Variants in RBM47 observed in about 807,000 individuals in gnomAD.
The protein encoded by RBM47 is RNA binding motif protein 47.
A neutral mutation model predicts 47.1 loss-of-function variants in RBM47; 21 were observed. That is an observed-to-expected ratio of 0.45 (90% CI 0.32 to 0.64). The LOEUF is 0.64. Ranked by LOEUF, RBM47 falls within the 30% of genes least tolerant of loss-of-function variation. The pLI is 0.05. For synonymous variants in RBM47, 375 were observed against 361.7 expected (o/e 1.04, Z -0.42); for missense variants, 708 against 870.9 (o/e 0.81, Z 2.35).
intron 2 of RBM47, among the ~76,000 whole-genome samples, chr4:40,480,136 C>T (rs929725399): frequency 1.3e-4 from 20 of 151,966 alleles, no homozygotes; most frequent in African/African-American, 4.8e-4. Flanking sequence ...CGCCACCATG[C>T]CTGACTAATT....
intron 2 of RBM47, among the ~76,000 whole-genome samples, chr4:40,485,851 G>A (rs1281513323): frequency 2.0e-5 from 3 of 151,206 alleles, no homozygotes; most frequent in Non-Finnish European, 4.4e-5. Context: ...CTTGAGTCCA[G>A]GAGTTTGAGA....
intron 3 of RBM47, among the ~76,000 whole-genome samples, chr4:40,440,122 G>C (rs1577635017): frequency 6.6e-6 from 1 of 152,158 alleles, no homozygotes; most frequent in Non-Finnish European, 1.5e-5. Context: ...GTAATGAAAG[G>C]CTCCAATTCG....
intron 1 of RBM47, among the ~76,000 whole-genome samples, chr4:40,618,040 A>G (rs1437950869): frequency 6.6e-6 from 1 of 151,858 alleles, no homozygotes; most frequent in African/African-American, 2.4e-5. Flanking sequence ...CAGGAGTTTG[A>G]GACCAGCCTG....
rs527321198 is a variant in RBM47 at position 40,429,320 on chromosome 4, C to A, written c.1543-3177G>T. The stretch of plus-strand genomic sequence containing the variant: ...TACTTAATAAGGAAAGAAAAAAAAT[C>A]CTATGCTGAGGTTGCTAAGAACTAC... On this transcript the variant is annotated intron_variant, in intron 6 of 6. Transcript: ENST00000295971. Among the ~76,000 whole-genome samples, 13 of 152,072 alleles carry A rather than the reference C, an allele frequency of 8.5e-5. No individual in the cohort carries two copies. The South Asian group carries it at 2.7e-3, about 32-fold the overall frequency.
intron 1 of RBM47, among the ~76,000 whole-genome samples, chr4:40,624,915 G>C (rs1355506929): frequency 8.3e-4 from 1 of 1,210 alleles, no homozygotes; most frequent in Admixed American, 0.018. Context: ...GCAGTGGCGC[G>C]ATCAGCTCAC....
rs1406950559 is a variant in RBM47 at position 40,451,451 on chromosome 4, A to C, written c.-31-12527T>G. On this transcript the variant is annotated intron_variant, in intron 3 of 6. Coordinates refer to ENST00000295971, the MANE Select transcript of RBM47 (RefSeq NM_001098634.2). ...TGCCGAAATCAGTCTAAAGCATCCA[A>C]CTGTCTCATTTAAATTCCGACCCCG... Among the ~76,000 whole-genome samples, 5 of 152,180 alleles carry C rather than the reference A, an allele frequency of 3.3e-5. No individual in the cohort carries two copies. In the East Asian group the frequency reaches 7.7e-4, roughly 23 times the overall value.
rs532170715 is a variant in RBM47, at chr4:40,545,048, CTTTTTTTTTTTTT to C, written c.-239-555_-239-543del. ...CCAGCCTGGAAAACAGAGTGAGATC[CTTTTTTTTTTTTT>C]TTTTTTTTCAGACGGAGTCTCGCTC... On this transcript the variant is annotated intron_variant, in intron 1 of 6. Transcript: ENST00000295971. 1.6e-3 allele frequency among the ~76,000 whole-genome samples: 187 copies of C among 114,238 alleles called. 2 individuals are homozygous for C. The Middle Eastern group carries it at 0.032, about 20-fold the overall frequency. 74.9% of individuals were successfully genotyped at this position (114,238 alleles called of 152,430 possible). A position where few individuals can be genotyped will look rare whatever the true frequency, so the allele number is the denominator to read the frequency against.
At chr4:40,589,005 T>C (rs1733869192) in intron 1 of RBM47, among the ~76,000 whole-genome samples, 1 of 144,946 alleles carries the variant, frequency 6.9e-6, no homozygotes, top group Non-Finnish European at 1.5e-5. Flanking sequence ...TTTTTTTTTT[T>C]TTTTTTTTTT....
chr4:40,480,471 T>C (rs1262548082), intron 2 of RBM47, among the ~76,000 whole-genome samples: 2 of 152,178 alleles, frequency 1.3e-5, no homozygotes, highest in Admixed American at 1.3e-4. Context: ...TACCTACCCA[T>C]GTTTCACCTT....
intron 2 of RBM47, among the ~76,000 whole-genome samples, chr4:40,498,119 C>T (rs902164251): frequency 2.9e-4 from 41 of 140,842 alleles, no homozygotes; most frequent in African/African-American, 1.0e-3. Context: ...ATGTTGAGCG[C>T]TGTTAGCAGA....
intron 1 of RBM47, among the ~76,000 whole-genome samples, chr4:40,593,745 G>A (rs912247146): frequency 6.6e-6 from 1 of 152,044 alleles, no homozygotes; most frequent in African/African-American, 2.4e-5. Context: ...TTAGCTGGGC[G>A]TGGTGGCGGG....
chr4:40,536,702 G>GGTGTGT (rs1159283404), intron 2 of RBM47, among the ~76,000 whole-genome samples: 1 of 122,886 alleles, frequency 8.1e-6, no homozygotes, highest in African/African-American at 3.9e-5. Flanking sequence ...TGCAGTTTTT[G>GGTGTGT]GTGTGTGTGT....
intron 1 of RBM47, among the ~76,000 whole-genome samples, chr4:40,608,020 TA>T (rs2154278680): frequency 6.6e-6 from 1 of 151,794 alleles, no homozygotes; most frequent in East Asian, 1.9e-4. Flanking sequence ...CAGAATTGCT[TA>T]AACCAGGGAG....
At chr4:40,594,898 C>T (rs1168197361) in intron 1 of RBM47, among the ~76,000 whole-genome samples, 1 of 152,158 alleles carries the variant, frequency 6.6e-6, no homozygotes, top group Non-Finnish European at 1.5e-5. Context: ...CCTTTAAGAG[C>T]ACCTCGAGGT....
At chr4:40,536,953 T>G (rs925812546) in intron 2 of RBM47, among the ~76,000 whole-genome samples, 3 of 151,948 alleles carry the variant, frequency 2.0e-5, no homozygotes, top group Non-Finnish European at 1.5e-5. Context: ...GGTCTCAAAC[T>G]CCTGATCTCA....
intron 1 of RBM47, among the ~76,000 whole-genome samples, chr4:40,580,019 A>G (rs1236555700): frequency 2.0e-5 from 3 of 151,922 alleles, no homozygotes; most frequent in Non-Finnish European, 4.4e-5. Context: ...TGACCTCCCA[A>G]AGTGCTGGGA....
intron 2 of RBM47, among the ~76,000 whole-genome samples, 167 bp from the exon 3 acceptor site, chr4:40,466,866 T>G (rs1197940978): frequency 6.6e-6 from 1 of 150,666 alleles, no homozygotes; most frequent in Non-Finnish European, 1.5e-5. Flanking sequence ...ACCATTACTC[T>G]AATTATCATG....
intron 1 of RBM47, among the ~76,000 whole-genome samples, chr4:40,579,686 GA>G (rs1732695376): frequency 6.6e-6 from 1 of 151,814 alleles, no homozygotes; most frequent in Admixed American, 6.6e-5. Flanking sequence ...AAGAAGCTCT[GA>G]AGCATTTTTC....
intron 2 of RBM47, among the ~76,000 whole-genome samples, chr4:40,511,945 A>C (rs1250818735): frequency 6.6e-6 from 1 of 151,808 alleles, no homozygotes; most frequent in Non-Finnish European, 1.5e-5. Context: ...AAAAAAAAAA[A>C]AAAGAAAAGA....
Sources: gnomAD v4.1 joint callset for allele counts (sites outside exome capture counted in the v4.1 genomes callset) on GRCh38, gnomAD v4.1.1 for gene constraint, MANE v1.5 for transcripts, NCBI Gene and HGNC (gene_info 2026-07-23, HGNC 2026-07-21) for gene names.